Variants in KLF8 observed in about 807,000 individuals in gnomAD.
The protein encoded by KLF8 is KLF transcription factor 8.
Under a neutral mutation model 18.2 loss-of-function variants are expected in KLF8, and 10 were observed. The observed-to-expected ratio is 0.55, with a 90% confidence interval of 0.34 to 0.93. The LOEUF (loss-of-function observed/expected upper bound fraction) is 0.93. Among genes scored for constraint, KLF8 ranks in the 40% least tolerant of loss-of-function variants. KLF8 has a pLI of 0.02. For synonymous variants in KLF8, 109 were observed against 97.3 expected (o/e 1.12, Z -0.71); for missense variants, 264 against 277.9 (o/e 0.95, Z 0.36).
the KLF8 span, among the ~76,000 whole-genome samples, chrX:56,023,135 A>T: frequency 3.6e-5 from 4 of 111,542 alleles, no homozygotes; most frequent in African/African-American, 1.3e-4. Flanking sequence ...ATTGAGATTT[A>T]TAGGGGCAAA....
At chrX:56,046,262 G>T in the KLF8 span, among the ~76,000 whole-genome samples, 1 of 111,399 alleles carries the variant, frequency 9.0e-6, no homozygotes, top group Non-Finnish European at 1.9e-5. Flanking sequence ...ATTTTGTTGA[G>T]AATTTTTGCA....
chrX:55,954,745 G>A, the KLF8 span, among the ~76,000 whole-genome samples: 1 of 111,811 alleles, frequency 8.9e-6, no homozygotes, highest in Non-Finnish European at 1.9e-5. Flanking sequence ...AATGTTCACA[G>A]CAGGATTAAT....
the KLF8 span, among the ~76,000 whole-genome samples, chrX:56,090,146 C>T: frequency 1.8e-5 from 2 of 112,013 alleles, no homozygotes; most frequent in Admixed American, 9.5e-5. Flanking sequence ...AACAGCTACA[C>T]ATAAAACTAT....
chrX:55,986,901 T>G, the KLF8 span, among the ~76,000 whole-genome samples: 1 of 111,618 alleles, frequency 9.0e-6, no homozygotes, highest in Non-Finnish European at 1.9e-5. Flanking sequence ...TTCTCTTAAT[T>G]TGCTTATGAT....
the KLF8 span, among the ~76,000 whole-genome samples, chrX:55,996,909 C>A: frequency 1.8e-5 from 2 of 112,085 alleles, no homozygotes; most frequent in African/African-American, 6.5e-5. Context: ...CACACACATG[C>A]GTGCTAGTGG....
At chrX:56,235,906 T>C (rs1410609171) in intron 1 of KLF8, among the ~76,000 whole-genome samples, 3 of 112,412 alleles carry the variant, frequency 2.7e-5, no homozygotes, top group Non-Finnish European at 5.6e-5. Context: ...TAAAAAAATT[T>C]GTTTTATTTA....
At chrX:56,155,536 A>G in the KLF8 span, among the ~76,000 whole-genome samples, 6 of 111,078 alleles carry the variant, frequency 5.4e-5, no homozygotes, top group African/African-American at 1.6e-4. Context: ...CCTCACCAAC[A>G]TGGCACATGT....
At chrX:56,103,803 A>T in the KLF8 span, among the ~76,000 whole-genome samples, 1 of 111,230 alleles carries the variant, frequency 9.0e-6, no homozygotes, top group African/African-American at 3.3e-5. Context: ...TTTCAAAGGG[A>T]ATGCTTCCAG....
the KLF8 span, among the ~76,000 whole-genome samples, chrX:56,043,168 T>A: frequency 9.0e-6 from 1 of 111,323 alleles, no homozygotes; most frequent in East Asian, 2.8e-4. Flanking sequence ...GCTTGTAGGG[T>A]TTCCACTGTG....
rs12014688 is a variant in KLF8 at position 56,260,848 on chromosome X, G to C, written c.82-4332G>C. On this transcript the variant is annotated intron_variant, in intron 2 of 5. Transcript: ENST00000468660. ...AAAACAGGTTTCCTCTTTCTGTTTG[G>C]GAGGAGCCTAGGCTTTATCGTGTTT... Among the ~76,000 whole-genome samples, 4 of 111,762 alleles carry C rather than the reference G, an allele frequency of 3.6e-5. No homozygotes were observed. In the Admixed American group the frequency reaches 3.8e-4, roughly 11 times the overall value.
At chrX:56,162,435 C>T in the KLF8 span, among the ~76,000 whole-genome samples, 1 of 112,103 alleles carries the variant, frequency 8.9e-6, no homozygotes, top group East Asian at 2.8e-4. Flanking sequence ...AGTTTCCCAG[C>T]TGCTTTGTTT....
chrX:55,982,317 C>A, the KLF8 span, among the ~76,000 whole-genome samples: 9,372 of 111,198 alleles, frequency 0.084, 970 homozygotes, highest in African/African-American at 0.29. Flanking sequence ...CATCTCAAGT[C>A]CTATCAATTA....
rs779750169 is a variant in KLF8, at chrX:56,270,347, A to AAAACACAC, written c.898+27_898+28insAACACACA. ...GTCTGCCCACTCCCATCTCACCCCC[A>AAAACACAC]ACACACACACACACACACACACACA... On this transcript the variant is annotated intron_variant, in intron 5 of 5. Transcript: ENST00000468660. 4 of 488,386 alleles carry AAAACACAC rather than the reference A, an allele frequency of 8.2e-6. No homozygotes were observed. The African/African-American group carries it at 1.2e-4, about 15-fold the overall frequency. The allele number at this position is 488,386 out of a possible 1,213,427, so 40.2% of individuals were successfully genotyped here.
chrX:56,184,986 C>T, the KLF8 span, among the ~76,000 whole-genome samples: 362 of 112,622 alleles, frequency 3.2e-3, no homozygotes, highest in African/African-American at 0.01. Flanking sequence ...TCCAAAGGAA[C>T]GCAGTTCCTT....
At chrX:56,220,634 C>T in the KLF8 span, among the ~76,000 whole-genome samples, 2 of 110,898 alleles carry the variant, frequency 1.8e-5, no homozygotes, top group Admixed American at 1.9e-4. Flanking sequence ...TACAGGCATG[C>T]GCCACCACAC....
the KLF8 span, among the ~76,000 whole-genome samples, chrX:56,222,079 C>T: frequency 9.0e-6 from 1 of 111,712 alleles, no homozygotes; most frequent in Non-Finnish European, 1.9e-5. Context: ...TATTTACAAA[C>T]CCTGAGCTAG....
At chrX:56,191,901 C>T in the KLF8 span, among the ~76,000 whole-genome samples, 1 of 111,232 alleles carries the variant, frequency 9.0e-6, no homozygotes, top group East Asian at 2.8e-4. Context: ...AAAGCCTTTG[C>T]CTAAGATCTG....
chrX:56,171,124 A>G, the KLF8 span, among the ~76,000 whole-genome samples: 2 of 112,097 alleles, frequency 1.8e-5, no homozygotes, highest in Admixed American at 9.5e-5. Flanking sequence ...ACAGAATATT[A>G]TAGTCCTGTA....
At chrX:55,987,894 T>G in the KLF8 span, among the ~76,000 whole-genome samples, 1 of 112,024 alleles carries the variant, frequency 8.9e-6, no homozygotes, top group African/African-American at 3.2e-5. Flanking sequence ...ATCGCCATTC[T>G]AACTGGTGTG....
Sources: allele counts gnomAD v4.1 joint callset (sites outside exome capture counted in the v4.1 genomes callset), GRCh38; gene constraint gnomAD v4.1.1; transcripts MANE v1.5; gene names NCBI Gene and HGNC (gene_info 2026-07-23, HGNC 2026-07-21).